BRD3: variants seen among roughly 807,000 people sequenced by gnomAD.
BRD3 encodes bromodomain containing 3.
A neutral mutation model predicts 66.8 loss-of-function variants in BRD3; 17 were observed. The ratio of observed to expected loss-of-function variants is 0.25; its 90% confidence interval spans 0.17 to 0.38. The LOEUF (loss-of-function observed/expected upper bound fraction) is 0.38, where lower values mean the gene tolerates loss of function less well. BRD3 is among the 10% of genes least tolerant of loss of function. BRD3 has a pLI of 1.00. For synonymous variants in BRD3, 421 were observed against 393.2 expected (o/e 1.07, Z -0.84); for missense variants, 713 against 956.1 (o/e 0.75, Z 3.35).
At chr9:134,068,054 T>G (rs1194812988), upstream of BRD3, 1 of 142,972 alleles carries the variant, frequency 7.0e-6, no homozygotes, top group Non-Finnish European at 1.5e-5. Flanking sequence ...GCAGGGCTCA[T>G]GCGCTGCGCC....
At chr9:134,052,670 C>G (rs140472811) in intron 2 of BRD3, among the ~76,000 whole-genome samples, 1 of 152,168 alleles carries the variant, frequency 6.6e-6, no homozygotes, top group Non-Finnish European at 1.5e-5. Flanking sequence ...GAGAGGAGCC[C>G]ACGGAGTTAG....
intron 9 of BRD3, among the ~76,000 whole-genome samples, chr9:134,039,825 G>A (rs2132391358): frequency 6.6e-6 from 1 of 152,186 alleles, no homozygotes; most frequent in Non-Finnish European, 1.5e-5. Flanking sequence ...CCAGAATCCA[G>A]GCCAGCCCCG....
At chr9:134,035,144 G>A (rs1017569220) in intron 10 of BRD3, among the ~76,000 whole-genome samples, 10 of 152,164 alleles carry the variant, frequency 6.6e-5, no homozygotes, top group Non-Finnish European at 1.0e-4. Flanking sequence ...TTTGGCCAAC[G>A]TCCCTCATGT....
At chr9:134,040,707 T>C (rs1227221405) in intron 8 of BRD3, among the ~76,000 whole-genome samples, 5 of 152,230 alleles carry the variant, frequency 3.3e-5, no homozygotes, top group Admixed American at 6.5e-5. Context: ...TTTTTATTAT[T>C]ACCATTGTTC....
At position 134,041,948 on chromosome 9, in the gene BRD3, C is replaced by T. The variant is rs200921972; in HGVS notation, c.1219G>A (p.Val407Met). 1.1e-5 allele frequency: 18 copies of T among 1,576,250 alleles called. No homozygotes were observed. Among genetic ancestry groups the T allele is most frequent in the South Asian group, 3.5e-5 (3 of 85,364 alleles). ...VVAMARKLQD[V>M]FEMRFAKMPD... Reference sequence around the variant, plus strand: ...ATCTTGGCAAACCTCATCTCAAACACGTCCTGCGGCAGAACAGAGGCTGCC... The same window carrying T: ...ATCTTGGCAAACCTCATCTCAAACATGTCCTGCGGCAGAACAGAGGCTGCC... Residue 407 changes from valine to methionine, a missense_variant, in exon 8 of 12, where the codon GTG (valine) becomes ATG (methionine). By Grantham distance (21) the Val-to-Met change is conservative (BLOSUM62 1). This residue lies in a region of BRD3 where 418 missense variants were observed against 609.3 expected (regional missense o/e 0.69). Coordinates refer to ENST00000303407, the MANE Select transcript of BRD3 (RefSeq NM_007371.4).
intron 9 of BRD3, among the ~76,000 whole-genome samples, chr9:134,037,096 A>T (rs1215034168): frequency 6.6e-6 from 1 of 152,228 alleles, no homozygotes; most frequent in Non-Finnish European, 1.5e-5. Context: ...TAAAAAAACA[A>T]GAAGACCCCA....
intron 1 of BRD3, among the ~76,000 whole-genome samples, chr9:134,061,142 A>G (rs1830536568): frequency 1.3e-5 from 2 of 152,236 alleles, no homozygotes; most frequent in Admixed American, 6.5e-5. Context: ...GGGCAGGAGC[A>G]GGCATGTCGC....
chr9:134,030,827 G>A lies in BRD3; in HGVS notation c.*2763C>T, dbSNP rs186371263. On this transcript the variant is annotated 3_prime_UTR_variant, in exon 12 of 12. Transcript: ENST00000303407. ...GTTCACGCCCGAAGCCTGCCCCCTC[G>A]GCCTCCAGGGGTCATTCAGAGTGTT... 10 of 232,060 alleles carry A rather than the reference G, an allele frequency of 4.3e-5. No individual in the cohort carries two copies. Among genetic ancestry groups the A allele is most frequent in the East Asian group, 3.1e-4 (5 of 16,330 alleles). The allele number at this position is 232,060 out of a possible 1,614,324, so 14.4% of individuals were successfully genotyped here.
chr9:134,067,606 G>C (rs1220136461), intron 1 of BRD3, among the ~76,000 whole-genome samples: 6 of 147,032 alleles, frequency 4.1e-5, no homozygotes, highest in African/African-American at 1.5e-4. Flanking sequence ...CTGGCGCGGG[G>C]CGCGCGGGCC....
Position 134,032,865 on chromosome 9 carries a change from CTTCT to C in BRD3, c.*721_*724del, listed in dbSNP as rs1843533911. 3.6e-5 allele frequency: 8 copies of C among 221,082 alleles called. No homozygotes were observed. Among genetic ancestry groups the C allele is most frequent in the East Asian group, 3.4e-4 (5 of 14,912 alleles). The allele number at this position is 221,082 out of a possible 1,614,324, so 13.7% of individuals were successfully genotyped here. Reference sequence around the variant, plus strand: ...CTTTTTTTTTTTTTTTAAATCTTTTCTTCTTTTTTTTTTTTTAAAGTTGAGGTAA... The same window carrying C: ...CTTTTTTTTTTTTTTTAAATCTTTTCTTTTTTTTTTTTAAAGTTGAGGTAA... On this transcript the variant is annotated 3_prime_UTR_variant, in exon 12 of 12. Transcript: ENST00000303407.
intron 1 of BRD3, among the ~76,000 whole-genome samples, chr9:134,060,354 T>G (rs1427375781): frequency 6.6e-6 from 1 of 152,064 alleles, no homozygotes; most frequent in African/African-American, 2.4e-5. Flanking sequence ...CCCAGCACCT[T>G]GGGAGGGGCA....
rs956804555 is a variant in BRD3, at chr9:134,033,252, T to C, written c.*338A>G. 2 of 409,802 alleles carry C rather than the reference T, an allele frequency of 4.9e-6. No individual in the cohort carries two copies. The highest frequency in any genetic ancestry group is 8.6e-6 in the Non-Finnish European group (2 of 232,904). 25.4% of individuals were successfully genotyped at this position (409,802 alleles called of 1,614,324 possible). A position where few individuals can be genotyped will look rare whatever the true frequency, so the allele number is the denominator to read the frequency against. ...ATTCTTTCTCGAGCTATCGACCAGGTTGGGCCTAAGCAAAGGGATTCCACA... is the reference window on the plus strand; with the variant it reads ...ATTCTTTCTCGAGCTATCGACCAGGCTGGGCCTAAGCAAAGGGATTCCACA... On this transcript the variant is annotated 3_prime_UTR_variant, in exon 12 of 12. Transcript: ENST00000303407. This position sits in a 1 kb window ranked among gnomAD's most constrained non-coding sequence, Gnocchi z 5.1.
chr9:134,033,232 T>C lies in BRD3; in HGVS notation c.*358A>G, dbSNP rs201722796. The C allele has an allele frequency of 5.0e-6, 2 of 403,366 alleles. No individual in the cohort carries two copies. The highest frequency in any genetic ancestry group is 8.7e-6 in the Non-Finnish European group (2 of 229,082). 25.0% of individuals were successfully genotyped at this position (403,366 alleles called of 1,614,324 possible). On this transcript the variant is annotated 3_prime_UTR_variant, in exon 12 of 12. Transcript: ENST00000303407. This position sits in a 1 kb window ranked among gnomAD's most constrained non-coding sequence, Gnocchi z 5.1. The stretch of plus-strand genomic sequence containing the variant: ...GAGACATTTCCTTGGAAAAAATTCT[T>C]TCTCGAGCTATCGACCAGGTTGGGC...
At chr9:134,042,573 G>A (rs1239244816) in intron 7 of BRD3, among the ~76,000 whole-genome samples, 1 of 151,952 alleles carries the variant, frequency 6.6e-6, no homozygotes, top group African/African-American at 2.4e-5. Flanking sequence ...GGAGGTCGAG[G>A]CTGCAGTGAG....
At chr9:134,040,561 T>C (rs993310917) in intron 8 of BRD3, among the ~76,000 whole-genome samples, 5 of 152,142 alleles carry the variant, frequency 3.3e-5, no homozygotes, top group African/African-American at 1.2e-4. Flanking sequence ...CAGCTAACTT[T>C]TTAAAAAAAA....
At position 134,040,252 on chromosome 9, in the gene BRD3, C is replaced by T; in HGVS notation, c.1425G>A (p.Glu475=). 2 of 1,595,432 alleles carry T rather than the reference C, an allele frequency of 1.3e-6. No homozygotes were observed. ...GGGCCTGAGACAGGGCGGCCAGCTG[C>T]TCGTGCACGGCCTTCAGCTGGAAAA... ...ELQEQLKAVH[E]QLAALSQAPV... Residue 475 remains glutamate, a synonymous_variant, in exon 9 of 12, where the codon GAG becomes GAA. Coordinates refer to ENST00000303407, the MANE Select transcript of BRD3 (RefSeq NM_007371.4).
Position 134,036,297 on chromosome 9 carries a change from T to A in BRD3, c.1671A>T (p.Ala557=). ...CTTCCTCTGAGTCGTAGGAGGCAGA[T>A]GCCTGCTTGCCGCCTTTCTTCAGCT... The part of the protein sequence containing the change: ...GRQLKKGGKQ[A]SASYDSEEEE... Residue 557 remains alanine, a synonymous_variant, in exon 10 of 12, where the codon GCA becomes GCT. Transcript: ENST00000303407. 6.2e-7 allele frequency: 1 copy of A among 1,607,684 alleles called. No individual in the cohort carries two copies. Among genetic ancestry groups the A allele is most frequent in the Non-Finnish European group, 8.5e-7 (1 of 1,176,458 alleles).
At position 134,030,445 on chromosome 9, in the gene BRD3, CAAGCT is replaced by C. The variant is rs1843495643; in HGVS notation, c.*3140_*3144del. 1 of 189,286 alleles carries C rather than the reference CAAGCT, an allele frequency of 5.3e-6. No homozygotes were observed. Among genetic ancestry groups the C allele is most frequent in the Non-Finnish European group, 1.1e-5 (1 of 91,222 alleles). 11.7% of individuals were successfully genotyped at this position (189,286 alleles called of 1,614,324 possible). On this transcript the variant is annotated 3_prime_UTR_variant, in exon 12 of 12. Coordinates refer to ENST00000303407, the MANE Select transcript of BRD3 (RefSeq NM_007371.4). Reference sequence around the variant, plus strand: ...GTGTTGAGGCCAGCATTGCAATAAACAAGCTAAACTACTTACATTGGACTCATTTT... The same window carrying C: ...GTGTTGAGGCCAGCATTGCAATAAACAAACTACTTACATTGGACTCATTTT...
chr9:134,041,399 G>A (rs561415952), intron 8 of BRD3, among the ~76,000 whole-genome samples: 1 of 152,142 alleles, frequency 6.6e-6, no homozygotes, highest in Admixed American at 6.6e-5. Context: ...CCACCCCACT[G>A]CAAGTGACTG....
Sources: allele counts gnomAD v4.1 joint callset (sites outside exome capture counted in the v4.1 genomes callset), GRCh38; gene constraint gnomAD v4.1.1; regional missense constraint gnomAD v4.1.1; non-coding constraint Gnocchi (gnomAD v3.1); transcripts MANE v1.5; gene names NCBI Gene and HGNC (gene_info 2026-07-23, HGNC 2026-07-21).